Variants in ARHGAP24 observed in about 807,000 individuals in gnomAD.
The protein encoded by ARHGAP24 is Rho GTPase activating protein 24, also known as rho GTPase-activating protein 24.
A neutral mutation model predicts 76.4 loss-of-function variants in ARHGAP24; 50 were observed. The ratio of observed to expected loss-of-function variants is 0.65; its 90% CI spans 0.52 to 0.83. ARHGAP24 has a LOEUF of 0.83. Ranked by LOEUF, ARHGAP24 falls within the 40% of genes least tolerant of loss-of-function variation. The pLI is 0.00. For synonymous variants in ARHGAP24, 345 were observed against 323.3 expected (o/e 1.07, Z -0.72); for missense variants, 930 against 914.2 (o/e 1.02, Z -0.22).
intron 6 of ARHGAP24, among the ~76,000 whole-genome samples, chr4:85,974,025 T>C (rs1358435068): frequency 6.7e-6 from 1 of 148,788 alleles, no homozygotes; most frequent in Admixed American, 6.7e-5. Context: ...TTTTTTTTTT[T>C]TTTGTATTTT....
intron 3 of ARHGAP24, among the ~76,000 whole-genome samples, chr4:85,760,845 C>G (rs1726707194): frequency 6.6e-6 from 1 of 152,124 alleles, no homozygotes; most frequent in Non-Finnish European, 1.5e-5. Context: ...ATTGAACAGC[C>G]CAACTGTGTC....
At chr4:85,929,633 T>C (rs1409372353) in intron 4 of ARHGAP24, among the ~76,000 whole-genome samples, 1 of 152,208 alleles carries the variant, frequency 6.6e-6, no homozygotes, top group Non-Finnish European at 1.5e-5. Flanking sequence ...GAGAAACATA[T>C]ATGTGTGTGT....
Position 85,488,809 on chromosome 4 carries a change from T to A in ARHGAP24, c.-21+13250T>A, listed in dbSNP as rs182425567. On this transcript the variant is annotated intron_variant, in intron 1 of 9. Coordinates refer to ENST00000395184, the MANE Select transcript of ARHGAP24 (RefSeq NM_001025616.3). ...ATGGAGAAAAGAGTCACTAGTATGA[T>A]TTTCTGTGTTCCATTGTTTAGATGA... Among the ~76,000 whole-genome samples the A allele has an allele frequency of 3.3e-5, 5 of 152,338 alleles. No individual in the cohort carries two copies. The East Asian group carries it at 9.6e-4, about 29-fold the overall frequency.
At chr4:85,681,499 A>C (rs773398634) in intron 2 of ARHGAP24, among the ~76,000 whole-genome samples, 16 of 152,352 alleles carry the variant, frequency 1.1e-4, no homozygotes, top group Non-Finnish European at 1.5e-4. Context: ...CTTCCTGTTT[A>C]GCACAGTGGA....
At chr4:85,948,982 T>C (rs955665350) in intron 5 of ARHGAP24, among the ~76,000 whole-genome samples, 18 of 152,292 alleles carry the variant, frequency 1.2e-4, no homozygotes, top group African/African-American at 4.3e-4. Context: ...CCTTAACATA[T>C]GCACAAATAA....
chr4:85,591,376 T>C (rs1728101855), intron 2 of ARHGAP24, among the ~76,000 whole-genome samples: 1 of 152,126 alleles, frequency 6.6e-6, no homozygotes, highest in Non-Finnish European at 1.5e-5. Context: ...TTTTCTTGCA[T>C]GGTTGGGGGA....
chr4:85,555,523 T>A (rs1425565218), intron 1 of ARHGAP24, among the ~76,000 whole-genome samples: 3 of 152,218 alleles, frequency 2.0e-5, no homozygotes, highest in African/African-American at 7.2e-5. Flanking sequence ...TGCTTTGTAT[T>A]TCCTCATGAC....
chr4:85,605,042 T>C (rs774727573), intron 2 of ARHGAP24, among the ~76,000 whole-genome samples: 1 of 152,210 alleles, frequency 6.6e-6, no homozygotes, highest in Non-Finnish European at 1.5e-5. Context: ...TCTATGGCTA[T>C]GAACATTTAC....
intron 8 of ARHGAP24, among the ~76,000 whole-genome samples, chr4:85,987,456 A>C (rs1229545917): frequency 6.6e-6 from 1 of 152,110 alleles, no homozygotes; most frequent in Non-Finnish European, 1.5e-5. Context: ...AAGAATCATA[A>C]AAATATGAGC....
At position 85,847,912 on chromosome 4, in the gene ARHGAP24, T is replaced by A. The variant is rs138522773; in HGVS notation, c.269-75736T>A. 9.9e-5 allele frequency among the ~76,000 whole-genome samples: 15 copies of A among 152,228 alleles called. No homozygotes were observed. In the East Asian group the frequency reaches 2.9e-3, roughly 29 times the overall value. On this transcript the variant is annotated intron_variant, in intron 3 of 9. Coordinates refer to ENST00000395184, the MANE Select transcript of ARHGAP24 (RefSeq NM_001025616.3). ...CATCTCATCCAGTAATGCATCCCAG[T>A]GCTGCAGATGAACAATGCTCATTTT...
At chr4:85,802,053 G>A (rs1247455506) in intron 3 of ARHGAP24, among the ~76,000 whole-genome samples, 2 of 152,186 alleles carry the variant, frequency 1.3e-5, no homozygotes, top group East Asian at 3.8e-4. Flanking sequence ...ATTCAACTAA[G>A]CTATTTTATA....
In ARHGAP24 at chr4:86,000,816, T is replaced by A; in HGVS notation, c.*94T>A. The A allele has an allele frequency of 6.4e-7, 1 of 1,561,880 alleles. No individual in the cohort carries two copies. The highest frequency in any genetic ancestry group is 8.8e-7 in the Non-Finnish European group (1 of 1,141,080). On this transcript the variant is annotated 3_prime_UTR_variant, in exon 10 of 10. Coordinates refer to ENST00000395184, the MANE Select transcript of ARHGAP24 (RefSeq NM_001025616.3). The stretch of plus-strand genomic sequence containing the variant: ...AGAACCAGGTGGCTGGTCACCTGGA[T>A]GTACAGAAGTCTAACTGGTGAAGGA...
At chr4:85,574,407 C>A (rs181267952) in intron 2 of ARHGAP24, among the ~76,000 whole-genome samples, 39 of 152,108 alleles carry the variant, frequency 2.6e-4, no homozygotes, top group Non-Finnish European at 8.8e-5. Flanking sequence ...CTGCATAAGG[C>A]AAGAGGTGAC....
chr4:85,911,679 T>C (rs1735093557), intron 3 of ARHGAP24, among the ~76,000 whole-genome samples: 1 of 152,162 alleles, frequency 6.6e-6, no homozygotes, highest in Admixed American at 6.5e-5. Flanking sequence ...GTTCCTGAAA[T>C]GGTTTAAGAT....
chr4:85,535,789 G>A (rs974396640), intron 1 of ARHGAP24, among the ~76,000 whole-genome samples: 1 of 152,066 alleles, frequency 6.6e-6, no homozygotes, highest in Non-Finnish European at 1.5e-5. Flanking sequence ...TTAGAAACCG[G>A]TATTCCTAAG....
At chr4:85,787,210 G>C (rs757795151) in intron 3 of ARHGAP24, among the ~76,000 whole-genome samples, 4 of 152,206 alleles carry the variant, frequency 2.6e-5, no homozygotes, top group Non-Finnish European at 5.9e-5. Flanking sequence ...AAGAGGATAT[G>C]AGCTTGCTTT....
At chr4:85,864,421 A>C (rs1021827804) in intron 3 of ARHGAP24, among the ~76,000 whole-genome samples, 8 of 152,076 alleles carry the variant, frequency 5.3e-5, no homozygotes, top group Non-Finnish European at 1.0e-4. Context: ...CCTGCCAAAG[A>C]AAACAGTACA....
At chr4:85,568,423 T>C (rs1726935482) in intron 1 of ARHGAP24, among the ~76,000 whole-genome samples, 1 of 152,168 alleles carries the variant, frequency 6.6e-6, no homozygotes, top group African/African-American at 2.4e-5. Flanking sequence ...AAACAGCAAG[T>C]TGTGTAGATT....
At chr4:85,559,481 A>G (rs756607611) in intron 1 of ARHGAP24, among the ~76,000 whole-genome samples, 1 of 152,232 alleles carries the variant, frequency 6.6e-6, no homozygotes, top group African/African-American at 2.4e-5. Flanking sequence ...ATGTTATACA[A>G]TAGACCTCTT....
Sources: gnomAD v4.1 joint callset for allele counts (sites outside exome capture counted in the v4.1 genomes callset) on GRCh38, gnomAD v4.1.1 for gene constraint, MANE v1.5 for transcripts, NCBI Gene and HGNC (gene_info 2026-07-23, HGNC 2026-07-21) for gene names.